The following WDR64 variants were observed in gnomAD, a reference collection of about 807,000 sequenced individuals.
WDR64 encodes WD repeat-containing protein 64.
WDR64 carries 112 observed loss-of-function variants against 139.3 expected under a neutral mutation model. The ratio of observed to expected loss-of-function variants is 0.80; its 90% CI spans 0.69 to 0.94. The LOEUF (loss-of-function observed/expected upper bound fraction) is 0.94. WDR64 is among the 40% of genes least tolerant of loss of function. The probability of loss-of-function intolerance (pLI) is 0.00; values close to 1 mark genes in which losing one functional copy is unlikely to be tolerated. For missense variants in WDR64, 1,206 were observed against 1,293.1 expected (o/e 0.93, Z 1.03); for synonymous variants, 444 against 437.7 (o/e 1.01, Z -0.18).
rs41308210 is a variant in WDR64 at position 241,780,207 on chromosome 1, A to G, written c.2595+145A>G. 1.6e-3 allele frequency: 1,100 copies of G among 691,366 alleles called. 1 individual carries two copies. The highest frequency in any genetic ancestry group is 1.8e-3 in the Non-Finnish European group (762 of 427,072). 42.8% of individuals were successfully genotyped at this position (691,366 alleles called of 1,614,324 possible). ...CTATTGAAATTTGAGCTACATGACA[A>G]ATTGCAGTGGTCTGCTGGTGAAAAG... is the stretch of plus-strand genomic sequence containing the variant. On this transcript the variant is annotated intron_variant, in intron 22 of 27. Coordinates refer to ENST00000437684, the MANE Select transcript of WDR64 (RefSeq NM_001367482.1).
intron 8 of WDR64, among the ~76,000 whole-genome samples, chr1:241,693,859 T>C (rs1481963489): frequency 2.6e-5 from 4 of 152,218 alleles, no homozygotes; most frequent in Admixed American, 2.0e-4. Flanking sequence ...TCTCTGGTGA[T>C]TTAATTCCAT....
intron 4 of WDR64, among the ~76,000 whole-genome samples, chr1:241,677,607 G>A (rs1666605114): frequency 6.6e-6 from 1 of 152,174 alleles, no homozygotes; most frequent in Admixed American, 6.5e-5. Flanking sequence ...CATATATACA[G>A]TAGCTCTCTG....
intron 10 of WDR64, among the ~76,000 whole-genome samples, chr1:241,725,464 C>T (rs1668780986): frequency 6.6e-6 from 1 of 152,016 alleles, no homozygotes; most frequent in Non-Finnish European, 1.5e-5. Context: ...ACCCTCTACC[C>T]GATGCAAAAC....
intron 10 of WDR64, among the ~76,000 whole-genome samples, chr1:241,729,678 T>G (rs1009175355): frequency 1.3e-5 from 2 of 152,332 alleles, no homozygotes; most frequent in East Asian, 1.9e-4. Context: ...AAATTGAGTT[T>G]TTTTTCCTTT....
At chr1:241,675,073 G>T (rs115647225) in intron 4 of WDR64, among the ~76,000 whole-genome samples, 2,602 of 21,894 alleles carry the variant, frequency 0.12, 586 homozygotes, top group East Asian at 0.4. Context: ...CCTCCTTCCT[G>T]CCTCCCTCCC....
chr1:241,787,295 C>T (rs1229462390), intron 23 of WDR64, among the ~76,000 whole-genome samples: 16 of 144,256 alleles, frequency 1.1e-4, no homozygotes, highest in South Asian at 2.2e-4. Context: ...ACCCAGGAGG[C>T]GGAGCTTGCA....
intron 21 of WDR64, among the ~76,000 whole-genome samples, chr1:241,778,381 A>G (rs1451002217): frequency 6.6e-6 from 1 of 152,144 alleles, no homozygotes; most frequent in Non-Finnish European, 1.5e-5. Flanking sequence ...CTTTTAATCT[A>G]TATGTATCTA....
intron 8 of WDR64, among the ~76,000 whole-genome samples, chr1:241,706,618 C>T (rs1667963632): frequency 6.6e-6 from 1 of 152,156 alleles, no homozygotes; most frequent in Non-Finnish European, 1.5e-5. Context: ...AGAAGGATAA[C>T]TACTTACAAA....
At chr1:241,712,649 G>A (rs1668219738) in intron 9 of WDR64, among the ~76,000 whole-genome samples, 1 of 152,182 alleles carries the variant, frequency 6.6e-6, no homozygotes, top group South Asian at 2.1e-4. Context: ...ATTTGTAAGT[G>A]GAGTTGATAA....
intron 25 of WDR64, 84 bp downstream of exon 25, chr1:241,790,780 T>C (rs1659193347): frequency 1.1e-6 from 1 of 951,678 alleles, no homozygotes; most frequent in African/African-American, 1.7e-5. Flanking sequence ...ATATGTCCAG[T>C]AATATAACAT....
At chr1:241,751,254 T>C (rs991954972) in intron 14 of WDR64, among the ~76,000 whole-genome samples, 2 of 152,212 alleles carry the variant, frequency 1.3e-5, no homozygotes, top group African/African-American at 4.8e-5. Flanking sequence ...GTCAGACTAA[T>C]CTGGTAGCCA....
intron 10 of WDR64, among the ~76,000 whole-genome samples, chr1:241,732,082 T>A (rs887557966): frequency 6.6e-6 from 1 of 152,192 alleles, no homozygotes; most frequent in Non-Finnish European, 1.5e-5. Context: ...TTTGATTTAT[T>A]TGGGGACTAA....
At chr1:241,657,595 G>A (rs1379719940) in intron 1 of WDR64, among the ~76,000 whole-genome samples, 1 of 152,054 alleles carries the variant, frequency 6.6e-6, no homozygotes, top group Non-Finnish European at 1.5e-5. Flanking sequence ...TTTCTATGTG[G>A]CTGACCCTTT....
In WDR64 at chr1:241,707,073, C is replaced by T. The variant is rs192052940; in HGVS notation, c.975-4729C>T. ...CTCAGTTCACCACAGCCCCCCTTCT[C>T]CCTGTGGTGTCATACCCAACCCCTT... On this transcript the variant is annotated intron_variant, in intron 8 of 27. Coordinates refer to ENST00000437684, the MANE Select transcript of WDR64 (RefSeq NM_001367482.1). Among the ~76,000 whole-genome samples the T allele has an allele frequency of 1.3e-3, 203 of 152,264 alleles. 7 individuals carry two copies. In the East Asian group the frequency reaches 0.03, roughly 22 times the overall value.
intron 2 of WDR64, among the ~76,000 whole-genome samples, chr1:241,667,230 A>G (rs1573989736): frequency 6.6e-6 from 1 of 152,328 alleles, no homozygotes; most frequent in East Asian, 1.9e-4. Context: ...ATCATTACAC[A>G]TTCTCTGAAA....
intron 25 of WDR64, among the ~76,000 whole-genome samples, chr1:241,792,514 C>T (rs917511059): frequency 5.9e-5 from 9 of 151,320 alleles, no homozygotes; most frequent in South Asian, 4.2e-4. Context: ...CCAACCTTGG[C>T]GACAGAGTGA....
intron 8 of WDR64, among the ~76,000 whole-genome samples, chr1:241,687,991 A>G (rs929172532): frequency 6.6e-6 from 1 of 152,224 alleles, no homozygotes; most frequent in Non-Finnish European, 1.5e-5. Flanking sequence ...CATGTGTAAT[A>G]TACAAGTTGG....
intron 10 of WDR64, among the ~76,000 whole-genome samples, chr1:241,724,827 T>C (rs114839331): frequency 0.016 from 2,419 of 152,322 alleles, 29 homozygotes; most frequent in Non-Finnish European, 0.025. Flanking sequence ...GGCGCTGTGC[T>C]AAGTATTTTA....
chr1:241,769,506 G>A lies in WDR64; in HGVS notation c.2183+1G>A, dbSNP rs1179292172. On this transcript the variant is annotated splice_donor_variant, in intron 17 of 27. Transcript: ENST00000437684. LOFTEE classifies it high-confidence loss of function. ...TCTTTCGTACCCCTGAATGTGCAAG[G>A]TAACTCGTTACTTACTGAACCAGTA... is the stretch of plus-strand genomic sequence containing the variant. The A allele has an allele frequency of 1.2e-5, 18 of 1,550,214 alleles. No individual in the cohort carries two copies. The highest frequency in any genetic ancestry group is 1.5e-5 in the Non-Finnish European group (17 of 1,146,144).
Sources: gnomAD v4.1 joint callset for allele counts (sites outside exome capture counted in the v4.1 genomes callset) on GRCh38, gnomAD v4.1.1 for gene constraint, MANE v1.5 for transcripts, NCBI Gene and HGNC (gene_info 2026-07-23, HGNC 2026-07-21) for gene names.